COG5: variants seen among roughly 807,000 people sequenced by gnomAD.
COG5 encodes conserved oligomeric Golgi complex subunit 5.
In COG5, 86 loss-of-function variants were observed where a neutral mutation model predicts 110.4. That is an observed-to-expected ratio of 0.78 (90% confidence interval 0.65 to 0.93). The LOEUF (loss-of-function observed/expected upper bound fraction) is 0.93. Ranked by LOEUF, COG5 falls within the 40% of genes least tolerant of loss-of-function variation. The pLI, the probability that COG5 is intolerant of heterozygous loss-of-function variation, is 0.00. For missense variants in COG5, 1,077 were observed against 987.0 expected (o/e 1.09, Z -1.22); for synonymous variants, 360 against 334.6 (o/e 1.08, Z -0.83).
chr7:107,529,219 A>G (rs1251661833), intron 5 of COG5, among the ~76,000 whole-genome samples: 1 of 152,200 alleles, frequency 6.6e-6, no homozygotes, highest in East Asian at 1.9e-4. Flanking sequence ...TGCACTTAAC[A>G]AAAACAATCA....
intron 10 of COG5, among the ~76,000 whole-genome samples, chr7:107,353,891 T>C (rs1812395182): frequency 6.6e-6 from 1 of 152,138 alleles, no homozygotes; most frequent in Non-Finnish European, 1.5e-5. Context: ...TGAACATTCC[T>C]AAGATTACAC....
chr7:107,464,268 C>T (rs1390383580), intron 6 of COG5, among the ~76,000 whole-genome samples: 2 of 152,200 alleles, frequency 1.3e-5, no homozygotes, highest in African/African-American at 4.8e-5. Context: ...TTTATGTTAG[C>T]TCTCAGAAGC....
At chr7:107,331,467 CAAAAAAAAAG>C (rs1562971736) in intron 10 of COG5, among the ~76,000 whole-genome samples, 2 of 148,544 alleles carry the variant, frequency 1.3e-5, no homozygotes. Flanking sequence ...GACTCCATCT[CAAAAAAAAAG>C]AAAAAGAAAA....
At chr7:107,465,331 T>C (rs1488166430) in intron 6 of COG5, among the ~76,000 whole-genome samples, 1 of 152,204 alleles carries the variant, frequency 6.6e-6, no homozygotes, top group Admixed American at 6.5e-5. Flanking sequence ...CAATTGGATT[T>C]TTTTAAAAAA....
chr7:107,487,819 T>C (rs780082027), intron 6 of COG5, among the ~76,000 whole-genome samples: 1 of 152,080 alleles, frequency 6.6e-6, no homozygotes. Flanking sequence ...AATTATGACA[T>C]AGATTTATGT....
chr7:107,500,852 T>C (rs2129135984), intron 6 of COG5, among the ~76,000 whole-genome samples: 1 of 150,082 alleles, frequency 6.7e-6, no homozygotes, highest in Admixed American at 6.7e-5. Flanking sequence ...TCTGAGAAGA[T>C]CATGCCTCCC....
chr7:107,282,186 A>T (rs540730305), intron 13 of COG5, among the ~76,000 whole-genome samples: 2 of 152,304 alleles, frequency 1.3e-5, no homozygotes, highest in Admixed American at 6.5e-5. Flanking sequence ...ACTAGAGCAT[A>T]CTATGTGTAA....
At chr7:107,394,128 AT>A (rs1287566544) in intron 7 of COG5, among the ~76,000 whole-genome samples, 1 of 151,408 alleles carries the variant, frequency 6.6e-6, no homozygotes, top group Non-Finnish European at 1.5e-5. Flanking sequence ...CGCCCAGCTA[AT>A]TTTTTTTGTA....
At chr7:107,375,221 C>G (rs946035059) in intron 7 of COG5, among the ~76,000 whole-genome samples, 2 of 152,026 alleles carry the variant, frequency 1.3e-5, no homozygotes, top group African/African-American at 4.8e-5. Flanking sequence ...TTTCTTACTG[C>G]TGTGCAGTAT....
intron 6 of COG5, among the ~76,000 whole-genome samples, chr7:107,414,577 G>A (rs1329473816): frequency 6.6e-6 from 1 of 151,734 alleles, no homozygotes; most frequent in East Asian, 2.0e-4. Context: ...CGGAATAAAT[G>A]TTCTGGTTTA....
At chr7:107,317,807 A>C (rs1005794299) in intron 11 of COG5, among the ~76,000 whole-genome samples, 3 of 151,966 alleles carry the variant, frequency 2.0e-5, no homozygotes, top group Non-Finnish European at 2.9e-5. Context: ...CCAAACAAAA[A>C]CCCGGAATTA....
rs777064390 is a variant in COG5 at position 107,548,322 on chromosome 7, C to G, written c.303G>C (p.Gln101His). The change falls in exon 4 of 22, where the codon CAG becomes CAC. Residue 101 changes from glutamine to histidine, a missense_variant. Physicochemically the swap from Gln to His is conservative, Grantham distance 24. Coordinates refer to ENST00000297135, the MANE Select transcript of COG5 (RefSeq NM_006348.5). ...TGIESLEGVL[Q>H]MMQTRIGALQ... ...AAGCCCCAATTCTCGTCTGCATCATCTGAAGAACACCTAGGAAAACATAAG... is the reference window on the plus strand; with the variant it reads ...AAGCCCCAATTCTCGTCTGCATCATGTGAAGAACACCTAGGAAAACATAAG... 3.1e-6 allele frequency: 5 copies of G among 1,613,742 alleles called. No homozygotes were observed. Among genetic ancestry groups the G allele is most frequent in the Non-Finnish European group, 4.2e-6 (5 of 1,179,770 alleles).
chr7:107,449,943 C>T (rs976567914), intron 6 of COG5: 3 of 152,078 alleles, frequency 2.0e-5, no homozygotes, highest in African/African-American at 7.2e-5. Context: ...CATATGACAA[C>T]TTAAAGCAAA....
chr7:107,443,882 A>C (rs566490168), intron 6 of COG5, among the ~76,000 whole-genome samples: 142 of 152,336 alleles, frequency 9.3e-4, no homozygotes, highest in Middle Eastern at 3.4e-3. Context: ...GTGAGCTATA[A>C]ATGAGATCTC....
chr7:107,389,201 T>C (rs746395621), intron 7 of COG5, among the ~76,000 whole-genome samples: 2 of 151,930 alleles, frequency 1.3e-5, no homozygotes, highest in African/African-American at 2.4e-5. Flanking sequence ...CTAGGAGGGA[T>C]AGATTTACCC....
intron 11 of COG5, among the ~76,000 whole-genome samples, chr7:107,319,325 T>G (rs1445778181): frequency 6.6e-6 from 1 of 152,254 alleles, no homozygotes; most frequent in African/African-American, 2.4e-5. Context: ...GGTTATGGTC[T>G]CATTTTCCTG....
intron 11 of COG5, among the ~76,000 whole-genome samples, chr7:107,298,858 TA>T (rs1562957756): frequency 1.3e-5 from 2 of 152,184 alleles, no homozygotes; most frequent in African/African-American, 2.4e-5. Context: ...AAAATAGTTT[TA>T]GATTAGAAAT....
chr7:107,412,360 C>T (rs1359452757), intron 7 of COG5, 142 bp downstream of exon 7: 5 of 701,484 alleles, frequency 7.1e-6, no homozygotes, highest in African/African-American at 1.8e-5. Context: ...AACGATGACC[C>T]ATTCTTTGAT....
intron 6 of COG5, among the ~76,000 whole-genome samples, chr7:107,467,123 A>G (rs1584860808): frequency 1.3e-5 from 2 of 152,238 alleles, no homozygotes; most frequent in East Asian, 3.8e-4. Context: ...TAAAACAGAT[A>G]TGCAATTAAA....
Sources: allele counts gnomAD v4.1 joint callset (sites outside exome capture counted in the v4.1 genomes callset), GRCh38; gene constraint gnomAD v4.1.1; transcripts MANE v1.5; gene names NCBI Gene and HGNC (gene_info 2026-07-23, HGNC 2026-07-21).